Variants in IQGAP2 observed in about 807,000 individuals in gnomAD.
IQGAP2 encodes the protein ras GTPase-activating-like protein IQGAP2.
Under a neutral mutation model 201.3 loss-of-function variants are expected in IQGAP2, and 173 were observed. The ratio of observed to expected loss-of-function variants is 0.86; its 90% CI spans 0.76 to 0.98. The LOEUF (loss-of-function observed/expected upper bound fraction) is 0.98. Ranked by LOEUF, IQGAP2 falls within the 50% of genes least tolerant of loss-of-function variation. The probability of loss-of-function intolerance (pLI) is 0.00; values close to 1 mark genes in which losing one functional copy is unlikely to be tolerated. For synonymous variants in IQGAP2, 675 were observed against 673.9 expected, an observed-to-expected ratio of 1.00 and a Z score of -0.03; for missense variants, 1,687 against 1,864.8, an observed-to-expected ratio of 0.90 and a Z score of 1.76.
chr5:76,542,999 T>C (rs976590532), intron 2 of IQGAP2, among the ~76,000 whole-genome samples: 1 of 152,222 alleles, frequency 6.6e-6, no homozygotes, highest in African/African-American at 2.4e-5. Flanking sequence ...TTCATGTCTG[T>C]GGTCAGGAAA....
At chr5:76,529,508 A>G (rs977916601) in intron 2 of IQGAP2, among the ~76,000 whole-genome samples, 2 of 151,958 alleles carry the variant, frequency 1.3e-5, no homozygotes, top group African/African-American at 4.8e-5. Context: ...CACGCCTGTA[A>G]TCCCAGCTAG....
intron 14 of IQGAP2, among the ~76,000 whole-genome samples, chr5:76,630,987 G>A (rs3797400): frequency 0.35 from 53,905 of 151,982 alleles, 9,572 homozygotes; most frequent in East Asian, 0.4. Flanking sequence ...TGATGACAAC[G>A]AATTGTAATT....
chr5:76,674,105 C>A, intron 26 of IQGAP2, 69 bp downstream of exon 26: 2 of 864,744 alleles, frequency 2.3e-6, no homozygotes, highest in Non-Finnish European at 3.9e-6. Context: ...CAACATATAA[C>A]TTTGTAAGAT....
chr5:76,448,342 C>T (rs1156296386), intron 1 of IQGAP2, among the ~76,000 whole-genome samples: 1 of 152,200 alleles, frequency 6.6e-6, no homozygotes, highest in Non-Finnish European at 1.5e-5. Context: ...CCTCTCCTAG[C>T]CCTCTATCCT....
At chr5:76,502,276 C>T (rs1465307369) in intron 2 of IQGAP2, among the ~76,000 whole-genome samples, 1 of 152,112 alleles carries the variant, frequency 6.6e-6, no homozygotes, top group Admixed American at 6.5e-5. Flanking sequence ...GAATAAAAGG[C>T]TGTGTTTGTT....
At chr5:76,610,076 C>CTCTCTCTCTCTCTATATA (rs1326468006) in intron 12 of IQGAP2, among the ~76,000 whole-genome samples, 1 of 18,700 alleles carries the variant, frequency 5.3e-5, no homozygotes, top group Non-Finnish European at 9.6e-5. Context: ...CTCTCTCTCT[C>CTCTCTCTCTCTCTATATA]TATATATATA....
At chr5:76,520,786 C>A (rs1383472347) in intron 2 of IQGAP2, among the ~76,000 whole-genome samples, 1 of 145,486 alleles carries the variant, frequency 6.9e-6, no homozygotes, top group Non-Finnish European at 1.5e-5. Context: ...CGGCTCACTG[C>A]CGACTCCGCC....
intron 2 of IQGAP2, among the ~76,000 whole-genome samples, chr5:76,536,647 T>A (rs891534296): frequency 2.0e-5 from 3 of 151,554 alleles, no homozygotes; most frequent in Non-Finnish European, 4.4e-5. Context: ...TAATCCCAGC[T>A]ACTCTGGAGG....
chr5:76,627,289 G>T, intron 13 of IQGAP2, 121 bp from the exon 14 acceptor site: 1 of 749,304 alleles, frequency 1.3e-6, no homozygotes, highest in Non-Finnish European at 2.4e-6. Context: ...TGGCAGAGCT[G>T]GATAGTTGCT....
At chr5:76,435,665 C>T (rs1752612488) in intron 1 of IQGAP2, among the ~76,000 whole-genome samples, 1 of 152,066 alleles carries the variant, frequency 6.6e-6, no homozygotes, top group Non-Finnish European at 1.5e-5. Flanking sequence ...TTTGACTATT[C>T]AGGCTGTTTT....
intron 2 of IQGAP2, among the ~76,000 whole-genome samples, chr5:76,558,245 T>C (rs957568642): frequency 6.6e-5 from 10 of 152,176 alleles, no homozygotes; most frequent in Admixed American, 5.9e-4. Flanking sequence ...TTGCTCCCAA[T>C]TGTCAACTTA....
intron 12 of IQGAP2, chr5:76,609,167 C>T (rs1318054490): frequency 2.6e-6 from 4 of 1,535,786 alleles, no homozygotes; most frequent in Admixed American, 3.9e-5. Flanking sequence ...AGCTGAAATG[C>T]ACTCACTTCC....
intron 2 of IQGAP2, chr5:76,547,477 C>T (rs1743166874): frequency 1.1e-6 from 1 of 946,214 alleles, no homozygotes. Flanking sequence ...TCTTATTAAG[C>T]TTGTTGCTTT....
Position 76,480,983 on chromosome 5 carries a change from G to A in IQGAP2, c.146+19314G>A, listed in dbSNP as rs549990116. ...ATGGCATCTTGTAGCTGCATCCTCC[G>A]TTGGTGGAAGTGATGGAAGGAAGGT... On this transcript the variant is annotated intron_variant, in intron 2 of 35. Coordinates refer to ENST00000274364, the MANE Select transcript of IQGAP2 (RefSeq NM_006633.5). 7.2e-5 allele frequency among the ~76,000 whole-genome samples: 11 copies of A among 152,260 alleles called. No individual in the cohort carries two copies. The East Asian group carries it at 1.5e-3, about 21-fold the overall frequency.
At chr5:76,692,449 GC>G (rs1746351168) in intron 30 of IQGAP2, among the ~76,000 whole-genome samples, 1 of 152,130 alleles carries the variant, frequency 6.6e-6, no homozygotes, top group African/African-American at 2.4e-5. Context: ...ACCGCGCCTG[GC>G]CCTTTTTTTT....
At chr5:76,617,711 G>A (rs552921557) in intron 13 of IQGAP2, 2 of 1,614,076 alleles carry the variant, frequency 1.2e-6, no homozygotes, top group East Asian at 2.2e-5. Context: ...AGCCATCAGT[G>A]TTGTTGTAGT....
Position 76,702,490 on chromosome 5 carries a change from A to G in IQGAP2, c.4514A>G (p.Asn1505Ser), listed in dbSNP as rs1747490747. ...IDDLQTNQFK[N>S]VTFDIIATED... ...TGTTCCTTTCTTCACAGGTTTAAGA[A>G]TGTTACATTTGATATCATAGCTACT... is the stretch of plus-strand genomic sequence containing the variant. Residue 1505 changes from asparagine (N) to serine (S), a missense_variant, in exon 35 of 36, where the codon AAT (asparagine) becomes AGT (serine). Physicochemically the swap from Asn to Ser is conservative, Grantham distance 46. Coordinates refer to ENST00000274364, the MANE Select transcript of IQGAP2 (RefSeq NM_006633.5). 6.0e-6 allele frequency: 9 copies of G among 1,499,540 alleles called. No homozygotes were observed. Among genetic ancestry groups the G allele is most frequent in the Non-Finnish European group, 8.4e-6 (9 of 1,076,040 alleles). 92.9% of individuals were successfully genotyped at this position (1,499,540 alleles called of 1,614,324 possible).
At chr5:76,649,445 G>A (rs1752339051) in intron 17 of IQGAP2, among the ~76,000 whole-genome samples, 1 of 151,984 alleles carries the variant, frequency 6.6e-6, no homozygotes, top group Admixed American at 6.6e-5. Context: ...TAAACCAAAA[G>A]GAAATGAAGA....
At chr5:76,500,283 T>C (rs548309649) in intron 2 of IQGAP2, among the ~76,000 whole-genome samples, 1 of 152,100 alleles carries the variant, frequency 6.6e-6, no homozygotes, top group East Asian at 1.9e-4. Flanking sequence ...GTGGCTGCAT[T>C]TGTTCATTGG....
Sources: allele counts gnomAD v4.1 joint callset (sites outside exome capture counted in the v4.1 genomes callset), GRCh38; gene constraint gnomAD v4.1.1; transcripts MANE v1.5; gene names NCBI Gene and HGNC (gene_info 2026-07-23, HGNC 2026-07-21).